The following GTF2E2 variants were observed in gnomAD, a reference collection of about 807,000 sequenced individuals.
GTF2E2 encodes the protein general transcription factor IIE subunit 2, also known as transcription initiation factor IIE subunit beta.
A neutral mutation model predicts 40.5 loss-of-function variants in GTF2E2; 21 were observed. That is an observed-to-expected ratio of 0.52 (90% CI 0.37 to 0.75). The LOEUF (loss-of-function observed/expected upper bound fraction) is 0.75. Ranked by LOEUF, GTF2E2 falls within the 30% of genes least tolerant of loss-of-function variation. The pLI, the probability that GTF2E2 is intolerant of heterozygous loss-of-function variation, is 0.00. For synonymous variants in GTF2E2, 117 were observed against 121.6 expected (o/e 0.96, Z 0.25); for missense variants, 298 against 338.4 (o/e 0.88, Z 0.94).
intron 6 of GTF2E2, among the ~76,000 whole-genome samples, chr8:30,599,260 C>CA (rs922019421): frequency 1.5e-5 from 2 of 134,014 alleles, no homozygotes; most frequent in Non-Finnish European, 3.2e-5. Context: ...CAGCATAGAG[C>CA]AAAAAAATAA....
intron 3 of GTF2E2, among the ~76,000 whole-genome samples, chr8:30,628,722 G>A (rs1197860764): frequency 2.0e-5 from 3 of 152,298 alleles, no homozygotes; most frequent in East Asian, 1.9e-4. Flanking sequence ...ACGAAGTTAG[G>A]AGATCAAGCC....
chr8:30,636,203 A>T (rs911370488), intron 2 of GTF2E2, among the ~76,000 whole-genome samples: 4 of 152,248 alleles, frequency 2.6e-5, no homozygotes, highest in African/African-American at 7.2e-5. Flanking sequence ...AACAGTAAAA[A>T]ATCCATCATA....
chr8:30,608,660 AC>A (rs1165407516), intron 5 of GTF2E2, among the ~76,000 whole-genome samples: 1 of 152,246 alleles, frequency 6.6e-6, no homozygotes, highest in African/African-American at 2.4e-5. Flanking sequence ...TGCTGACATG[AC>A]ATGCCAAAGA....
intron 2 of GTF2E2, among the ~76,000 whole-genome samples, chr8:30,648,350 A>G (rs1563510719): frequency 6.6e-6 from 1 of 152,226 alleles, no homozygotes; most frequent in Non-Finnish European, 1.5e-5. Flanking sequence ...TTGAGCTGAA[A>G]GCAACATGAT....
chr8:30,621,960 G>T (rs1246654402), intron 3 of GTF2E2, among the ~76,000 whole-genome samples: 1 of 141,326 alleles, frequency 7.1e-6, no homozygotes, highest in African/African-American at 2.9e-5. Flanking sequence ...AATCTAGGGG[G>T]TTCTTATATA....
In GTF2E2 at chr8:30,607,116, G is replaced by T; in HGVS notation, c.584C>A (p.Pro195His). The T allele has an allele frequency of 1.3e-6, 2 of 1,486,750 alleles. No individual in the cohort carries two copies. The highest frequency in any genetic ancestry group is 1.2e-5 in the South Asian group (1 of 82,610). The allele number at this position is 1,486,750 out of a possible 1,614,324, so 92.1% of individuals were successfully genotyped here. ...LGDQILFVNR[P>H]DKKKILFFND... The stretch of plus-strand genomic sequence containing the variant: ...GAAGAAAAGTATTTTCTTCTTATCG[G>T]GACGATTTACAAATAGTATCTGGTC... Residue 195 changes from proline to histidine, a missense_variant, in exon 6 of 8, where the codon CCC (proline) becomes CAC (histidine). By Grantham distance (77) the Pro-to-His change is moderately conservative. Transcript: ENST00000355904.
At chr8:30,628,537 G>A (rs1034797888) in intron 3 of GTF2E2, among the ~76,000 whole-genome samples, 2 of 152,124 alleles carry the variant, frequency 1.3e-5, no homozygotes, top group African/African-American at 4.8e-5. Context: ...ATTATTTCAA[G>A]GGTTCCTCCA....
At chr8:30,614,511 G>T in intron 4 of GTF2E2, 97 bp downstream of exon 4, 1 of 664,666 alleles carries the variant, frequency 1.5e-6, no homozygotes, top group Non-Finnish European at 2.6e-6. Flanking sequence ...TCATGCCACT[G>T]CACTCTAGCC....
intron 2 of GTF2E2, among the ~76,000 whole-genome samples, chr8:30,653,216 A>C (rs1802340871): frequency 6.6e-6 from 1 of 152,130 alleles, no homozygotes; most frequent in Non-Finnish European, 1.5e-5. Context: ...AATTAAACCT[A>C]AATAAAGTTT....
intron 1 of GTF2E2, among the ~76,000 whole-genome samples, chr8:30,656,455 TG>T (rs757143704): frequency 3.9e-5 from 6 of 152,184 alleles, no homozygotes; most frequent in Non-Finnish European, 5.9e-5. Context: ...GAAACATTTG[TG>T]TCTTATTTCA....
chr8:30,649,951 T>A (rs1362940597), intron 2 of GTF2E2, among the ~76,000 whole-genome samples: 1 of 151,814 alleles, frequency 6.6e-6, no homozygotes, highest in East Asian at 1.9e-4. Flanking sequence ...AAAGAAAAAA[T>A]TCTTACAAAG....
intron 3 of GTF2E2, among the ~76,000 whole-genome samples, chr8:30,616,862 CAT>C (rs1402166405): frequency 6.6e-6 from 1 of 151,958 alleles, no homozygotes; most frequent in Non-Finnish European, 1.5e-5. Flanking sequence ...TGTTAAAAAA[CAT>C]ATGCACTATG....
chr8:30,584,085 C>T (rs1238294012), intron 6 of GTF2E2, among the ~76,000 whole-genome samples: 2 of 152,062 alleles, frequency 1.3e-5, no homozygotes, highest in African/African-American at 2.4e-5. Context: ...GGATTACAGG[C>T]GTGAGCCACC....
In GTF2E2 at chr8:30,657,954, C is replaced by G. The variant is rs1190734304; in HGVS notation, c.-5+19G>C. 1 of 152,188 alleles carries G rather than the reference C, an allele frequency of 6.6e-6. No individual in the cohort carries two copies. Among genetic ancestry groups the G allele is most frequent in the African/African-American group, 2.4e-5 (1 of 41,398 alleles). The allele number at this position is 152,188 out of a possible 1,614,324, so 9.4% of individuals were successfully genotyped here. Reference sequence around the variant, plus strand: ...AAGCCGGGGCTCTGCGCCCCACACCCGGCGGCCGCAGCCCCTACCTGAGTG... The same window carrying G: ...AAGCCGGGGCTCTGCGCCCCACACCGGGCGGCCGCAGCCCCTACCTGAGTG... On this transcript the variant is annotated intron_variant, in intron 1 of 7. Coordinates refer to ENST00000355904, the MANE Select transcript of GTF2E2 (RefSeq NM_002095.6).
At chr8:30,649,711 GGC>G (rs1802207458) in intron 2 of GTF2E2, among the ~76,000 whole-genome samples, 2 of 152,078 alleles carry the variant, frequency 1.3e-5, no homozygotes, top group South Asian at 4.1e-4. Context: ...TGAGCGTGGT[GGC>G]ACACACCTGT....
At chr8:30,640,224 C>T (rs1801765318) in intron 2 of GTF2E2, among the ~76,000 whole-genome samples, 1 of 152,150 alleles carries the variant, frequency 6.6e-6, no homozygotes, top group Non-Finnish European at 1.5e-5. Flanking sequence ...TAACTGATCA[C>T]ATTTCAAAGT....
At chr8:30,651,522 A>G (rs1395248868) in intron 2 of GTF2E2, among the ~76,000 whole-genome samples, 1 of 152,094 alleles carries the variant, frequency 6.6e-6, no homozygotes, top group African/African-American at 2.4e-5. Context: ...TGGGAGGCTG[A>G]GGTAGGAAGA....
At position 30,646,325 on chromosome 8, in the gene GTF2E2, G is replaced by A. The variant is rs373223634; in HGVS notation, c.166+7108C>T. On this transcript the variant is annotated intron_variant, in intron 2 of 7. Coordinates refer to ENST00000355904, the MANE Select transcript of GTF2E2 (RefSeq NM_002095.6). ...TCTTATTTATACTCTCAAAGGCTAA[G>A]ATAACCAAGGCAGAAAGACTGCCCC... Among the ~76,000 whole-genome samples the A allele has an allele frequency of 2.9e-4, 44 of 152,102 alleles. 1 individual carries two copies. The highest frequency in any genetic ancestry group is 1.1e-3 in the African/African-American group (44 of 41,492).
intron 3 of GTF2E2, among the ~76,000 whole-genome samples, chr8:30,622,365 T>C (rs539810677): frequency 4.0e-5 from 6 of 151,874 alleles, no homozygotes; most frequent in Non-Finnish European, 7.4e-5. Context: ...AAGTTTTTAC[T>C]AGGGACTTTC....
Sources: gnomAD v4.1 joint callset for allele counts (sites outside exome capture counted in the v4.1 genomes callset) on GRCh38, gnomAD v4.1.1 for gene constraint, MANE v1.5 for transcripts, NCBI Gene and HGNC (gene_info 2026-07-23, HGNC 2026-07-21) for gene names.